Variants in DLG2 observed in about 807,000 individuals in gnomAD.
DLG2 encodes the protein disks large homolog 2.
In DLG2, 45 loss-of-function variants were observed where a neutral mutation model predicts 132.5. That is an observed-to-expected ratio of 0.34 (90% CI 0.27 to 0.44). The LOEUF (loss-of-function observed/expected upper bound fraction) is 0.44. Among genes scored for constraint, DLG2 ranks in the 20% least tolerant of loss-of-function variants. DLG2 has a pLI of 1.00. For synonymous variants in DLG2, 424 were observed against 419.6 expected (o/e 1.01, Z -0.13); for missense variants, 1,045 against 1,196.9 (o/e 0.87, Z 1.87).
At chr11:83,536,144 C>A (rs966728545) in intron 20 of DLG2, among the ~76,000 whole-genome samples, 5 of 152,050 alleles carry the variant, frequency 3.3e-5, no homozygotes, top group Non-Finnish European at 5.9e-5. Context: ...ACCAATGTAC[C>A]CTTGCATCCC....
chr11:84,337,603 C>T (rs529077934), intron 7 of DLG2, among the ~76,000 whole-genome samples: 37 of 152,124 alleles, frequency 2.4e-4, no homozygotes, highest in African/African-American at 8.9e-4. Context: ...ATACTCTTCT[C>T]AGTAGAATTT....
At chr11:84,438,390 T>C (rs1422401808) in intron 7 of DLG2, among the ~76,000 whole-genome samples, 1 of 152,120 alleles carries the variant, frequency 6.6e-6, no homozygotes, top group Non-Finnish European at 1.5e-5. Flanking sequence ...AGGACGATTT[T>C]TTGACATAGT....
chr11:84,467,667 GA>G lies in DLG2; in HGVS notation c.519+66902del, dbSNP rs556596621. ...GAACCATAATTGAATTTTGCTTTAT[GA>G]AAAAAATTGGGATAAATAATTTGGG... On this transcript the variant is annotated intron_variant, in intron 7 of 27. Coordinates refer to ENST00000376104, the MANE Select transcript of DLG2 (RefSeq NM_001142699.3). Among the ~76,000 whole-genome samples, 14 of 151,390 alleles carry G rather than the reference GA, an allele frequency of 9.2e-5. No individual in the cohort carries two copies. In the South Asian group the frequency reaches 2.9e-3, roughly 31 times the overall value.
chr11:85,212,150 T>G (rs1201393215), intron 4 of DLG2, among the ~76,000 whole-genome samples: 1 of 152,036 alleles, frequency 6.6e-6, no homozygotes, highest in Non-Finnish European at 1.5e-5. Flanking sequence ...ACTTTACAAA[T>G]AAAGAAGAGT....
chr11:84,650,371 G>C (rs1163939673), intron 6 of DLG2, among the ~76,000 whole-genome samples: 12 of 152,262 alleles, frequency 7.9e-5, no homozygotes. Flanking sequence ...AGAGATGTGG[G>C]AGTTTTGGCC....
intron 6 of DLG2, among the ~76,000 whole-genome samples, chr11:84,707,098 G>A (rs2059864980): frequency 6.6e-6 from 1 of 151,624 alleles, no homozygotes; most frequent in Non-Finnish European, 1.5e-5. Flanking sequence ...AAGAATGGAA[G>A]AAAAAACATG....
chr11:84,360,153 T>C (rs560967935), intron 7 of DLG2, among the ~76,000 whole-genome samples: 34 of 151,798 alleles, frequency 2.2e-4, no homozygotes, highest in Non-Finnish European at 3.8e-4. Flanking sequence ...AAGGGACAAA[T>C]ACTAGGAAAA....
At chr11:85,420,017 G>A (rs1377108337) in intron 3 of DLG2, among the ~76,000 whole-genome samples, 1 of 152,068 alleles carries the variant, frequency 6.6e-6, no homozygotes, top group African/African-American at 2.4e-5. Context: ...GAGGCATTCT[G>A]GTTTTTGGAA....
At chr11:83,848,414 C>T (rs988419838) in intron 16 of DLG2, among the ~76,000 whole-genome samples, 4 of 152,178 alleles carry the variant, frequency 2.6e-5, no homozygotes, top group African/African-American at 9.7e-5. Context: ...GTCTTCTCTA[C>T]TCCAAATTTC....
chr11:85,609,056 G>C (rs1230197162), intron 2 of DLG2, among the ~76,000 whole-genome samples: 1 of 152,118 alleles, frequency 6.6e-6, no homozygotes, highest in Non-Finnish European at 1.5e-5. Flanking sequence ...CATGGGGACT[G>C]GAGTCATAAA....
intron 27 of DLG2, among the ~76,000 whole-genome samples, chr11:83,460,187 C>A (rs1423206169): frequency 6.6e-6 from 1 of 152,180 alleles, no homozygotes; most frequent in Non-Finnish European, 1.5e-5. Flanking sequence ...GTCTGTAGTA[C>A]TGGACAATTT....
At chr11:84,898,540 C>T (rs190560514) in intron 6 of DLG2, among the ~76,000 whole-genome samples, 2 of 152,042 alleles carry the variant, frequency 1.3e-5, no homozygotes, top group South Asian at 2.1e-4. Flanking sequence ...TGTTCTTTGA[C>T]ATTAGAAAAC....
chr11:84,763,769 T>A (rs983194586), intron 6 of DLG2, among the ~76,000 whole-genome samples: 1 of 152,148 alleles, frequency 6.6e-6, no homozygotes, highest in African/African-American at 2.4e-5. Context: ...TTAAATGCCA[T>A]TAATTTTATA....
At chr11:85,521,128 C>G (rs1021111298) in intron 3 of DLG2, among the ~76,000 whole-genome samples, 11 of 152,184 alleles carry the variant, frequency 7.2e-5, no homozygotes, top group African/African-American at 2.7e-4. Flanking sequence ...TGGTCTGGCT[C>G]TGTGTCTCAA....
intron 18 of DLG2, among the ~76,000 whole-genome samples, chr11:83,719,366 G>C (rs1490568524): frequency 6.6e-6 from 1 of 152,184 alleles, no homozygotes; most frequent in Non-Finnish European, 1.5e-5. Context: ...ACACTCAAAG[G>C]AGATGTCTTA....
rs879664488 is a variant in DLG2, at chr11:83,741,844, TA to T, written c.1825+44845del. On this transcript the variant is annotated intron_variant, in intron 18 of 27. Transcript: ENST00000376104. ...TAACTTGGTGAAACCCTGTCTCTAC[TA>T]AAAAAAAAAAATGCAAAAAATTAGC... Among the ~76,000 whole-genome samples, 247 of 144,436 alleles carry T rather than the reference TA, an allele frequency of 1.7e-3. 1 individual carries two copies. The highest frequency in any genetic ancestry group is 3.7e-3 in the Middle Eastern group (1 of 272). 94.8% of individuals were successfully genotyped at this position (144,436 alleles called of 152,430 possible). A position where few individuals can be genotyped will look rare whatever the true frequency, so the allele number is the denominator to read the frequency against.
At chr11:83,598,079 G>A (rs1245067236) in intron 19 of DLG2, among the ~76,000 whole-genome samples, 3 of 152,144 alleles carry the variant, frequency 2.0e-5, no homozygotes, top group Non-Finnish European at 4.4e-5. Flanking sequence ...TGGTTGATTT[G>A]CTATTTGCTC....
intron 16 of DLG2, among the ~76,000 whole-genome samples, chr11:83,851,011 CTGAA>C (rs1482419664): frequency 6.6e-6 from 1 of 151,950 alleles, no homozygotes; most frequent in African/African-American, 2.4e-5. Context: ...CCCGTCTCTA[CTGAA>C]AAATACAAAA....
At chr11:85,035,206 T>G (rs570250630) in intron 6 of DLG2, among the ~76,000 whole-genome samples, 1 of 152,180 alleles carries the variant, frequency 6.6e-6, no homozygotes, top group East Asian at 1.9e-4. Context: ...TTCTATCAGG[T>G]TGAACTCTTA....
Sources: gnomAD v4.1 joint callset for allele counts (sites outside exome capture counted in the v4.1 genomes callset) on GRCh38, gnomAD v4.1.1 for gene constraint, MANE v1.5 for transcripts, NCBI Gene and HGNC (gene_info 2026-07-23, HGNC 2026-07-21) for gene names.